Variants in UNC5D observed in about 807,000 individuals in gnomAD.
UNC5D encodes the protein unc-5 netrin receptor D, also known as netrin receptor UNC5D.
Under a neutral mutation model 105.4 loss-of-function variants are expected in UNC5D, and 39 were observed. That is an observed-to-expected ratio of 0.37 (90% CI 0.29 to 0.48). The LOEUF (loss-of-function observed/expected upper bound fraction) is 0.48, where lower values mean the gene tolerates loss of function less well. Ranked by LOEUF, UNC5D falls within the 20% of genes least tolerant of loss-of-function variation. UNC5D has a pLI of 0.98. For missense variants in UNC5D, 991 were observed against 1,202.4 expected (o/e 0.82, Z 2.60); for synonymous variants, 452 against 450.4 (o/e 1.00, Z -0.04).
At chr8:35,467,080 T>C (rs892065839) in intron 1 of UNC5D, among the ~76,000 whole-genome samples, 2 of 152,132 alleles carry the variant, frequency 1.3e-5, no homozygotes, top group Non-Finnish European at 2.9e-5. Flanking sequence ...ATAAAATTAG[T>C]GGGTGAAAAC....
chr8:35,401,771 C>G (rs1316708161), intron 1 of UNC5D, among the ~76,000 whole-genome samples: 2 of 152,152 alleles, frequency 1.3e-5, no homozygotes, highest in Non-Finnish European at 2.9e-5. Context: ...AAAAACATCT[C>G]TAATGTGTAC....
intron 1 of UNC5D, among the ~76,000 whole-genome samples, chr8:35,453,430 T>C (rs1258917312): frequency 6.6e-6 from 1 of 152,178 alleles, no homozygotes; most frequent in African/African-American, 2.4e-5. Flanking sequence ...AGTCTGAAAG[T>C]TCAAATTTCT....
intron 1 of UNC5D, among the ~76,000 whole-genome samples, chr8:35,442,592 C>T (rs568957104): frequency 6.6e-6 from 1 of 151,978 alleles, no homozygotes; most frequent in African/African-American, 2.4e-5. Context: ...CTTTGTATAA[C>T]TTGTTGATAG....
chr8:35,257,597 G>T (rs1421504680), intron 1 of UNC5D, among the ~76,000 whole-genome samples: 1 of 152,200 alleles, frequency 6.6e-6, no homozygotes, highest in Non-Finnish European at 1.5e-5. Context: ...GATTATGCAT[G>T]CATTGATATA....
chr8:35,402,193 G>T (rs1804511344), intron 1 of UNC5D, among the ~76,000 whole-genome samples: 1 of 152,092 alleles, frequency 6.6e-6, no homozygotes, highest in Non-Finnish European at 1.5e-5. Context: ...CTCTCCACCT[G>T]TATTAATCCA....
intron 1 of UNC5D, among the ~76,000 whole-genome samples, chr8:35,507,949 C>G (rs1265681984): frequency 6.6e-6 from 1 of 151,958 alleles, no homozygotes; most frequent in African/African-American, 2.4e-5. Context: ...AAAAAGCATA[C>G]CAAGAAACCT....
intron 4 of UNC5D, among the ~76,000 whole-genome samples, chr8:35,658,722 G>C (rs1461693298): frequency 6.8e-6 from 1 of 146,530 alleles, no homozygotes; most frequent in Admixed American, 7.0e-5. Context: ...CGCGACCTCG[G>C]CTCACTGCAA....
chr8:35,671,312 C>T (rs554917389), intron 4 of UNC5D, among the ~76,000 whole-genome samples: 3 of 152,316 alleles, frequency 2.0e-5, no homozygotes, highest in Admixed American at 2.0e-4. Context: ...GATACCAAAT[C>T]TGTTGACTCC....
At chr8:35,617,294 G>T (rs2131010529) in intron 4 of UNC5D, among the ~76,000 whole-genome samples, 1 of 152,256 alleles carries the variant, frequency 6.6e-6, no homozygotes, top group Admixed American at 6.5e-5. Flanking sequence ...TGACTAGAAG[G>T]TGCACTTGCC....
At chr8:35,760,787 T>TA (rs1359906328) in intron 14 of UNC5D, among the ~76,000 whole-genome samples, 1 of 150,736 alleles carries the variant, frequency 6.6e-6, no homozygotes, top group Non-Finnish European at 1.5e-5. Flanking sequence ...TTTTTTTTTT[T>TA]AACTATAGAC....
At chr8:35,331,223 G>A (rs773877369) in intron 1 of UNC5D, among the ~76,000 whole-genome samples, 1 of 152,028 alleles carries the variant, frequency 6.6e-6, no homozygotes, top group Non-Finnish European at 1.5e-5. Flanking sequence ...GAGTTATATT[G>A]GGGGGCCATT....
chr8:35,584,639 G>A (rs140640749), intron 3 of UNC5D, among the ~76,000 whole-genome samples: 1 of 151,900 alleles, frequency 6.6e-6, no homozygotes, highest in African/African-American at 2.4e-5. Flanking sequence ...TTTGAGAGAT[G>A]AGGGTCTCAC....
At chr8:35,359,237 G>T (rs16883866) in intron 1 of UNC5D, among the ~76,000 whole-genome samples, 2 of 152,172 alleles carry the variant, frequency 1.3e-5, no homozygotes, top group Non-Finnish European at 2.9e-5. Flanking sequence ...ATTTTGCTGT[G>T]TGTTCTTGTT....
intron 4 of UNC5D, among the ~76,000 whole-genome samples, chr8:35,609,171 C>G (rs1295039220): frequency 1.3e-5 from 2 of 152,054 alleles, no homozygotes; most frequent in South Asian, 4.2e-4. Context: ...TGATGTTAAA[C>G]TTTTTTTCAT....
intron 1 of UNC5D, among the ~76,000 whole-genome samples, chr8:35,239,461 G>A (rs1802670283): frequency 6.6e-6 from 1 of 151,060 alleles, no homozygotes; most frequent in Non-Finnish European, 1.5e-5. Flanking sequence ...TGGTTTATTG[G>A]GAGATACTGC....
At chr8:35,415,331 T>G (rs1029184717) in intron 1 of UNC5D, among the ~76,000 whole-genome samples, 7 of 152,162 alleles carry the variant, frequency 4.6e-5, no homozygotes, top group Non-Finnish European at 2.9e-5. Flanking sequence ...CATTCAAAAT[T>G]AAATTTCCAG....
intron 4 of UNC5D, among the ~76,000 whole-genome samples, chr8:35,607,968 T>C (rs934931): frequency 0.48 from 72,450 of 152,044 alleles, 20,981 homozygotes; most frequent in African/African-American, 0.83. Flanking sequence ...CTCTGTGTCT[T>C]TGAATTTCTT....
At position 35,794,373 on chromosome 8, in the gene UNC5D, T is replaced by A. The variant is rs1417832246; in HGVS notation, c.*3810T>A. On this transcript the variant is annotated 3_prime_UTR_variant, in exon 17 of 17. Transcript: ENST00000404895. The stretch of plus-strand genomic sequence containing the variant: ...TCTGTGGCCCATTGTCATTGTTTCC[T>A]CATGAAACATTGCAGAGTTTGAATC... 1 of 152,202 alleles carries A rather than the reference T, an allele frequency of 6.6e-6. No homozygotes were observed. Among genetic ancestry groups the A allele is most frequent in the Non-Finnish European group, 1.5e-5 (1 of 68,032 alleles). The allele number at this position is 152,202 out of a possible 1,614,324, so 9.4% of individuals were successfully genotyped here.
At chr8:35,434,137 G>T (rs994128472) in intron 1 of UNC5D, among the ~76,000 whole-genome samples, 2 of 151,976 alleles carry the variant, frequency 1.3e-5, no homozygotes, top group African/African-American at 4.8e-5. Flanking sequence ...TGAATTTTAA[G>T]CTTAATTGAA....
Sources: gnomAD v4.1 joint callset for allele counts (sites outside exome capture counted in the v4.1 genomes callset) on GRCh38, gnomAD v4.1.1 for gene constraint, MANE v1.5 for transcripts, NCBI Gene and HGNC (gene_info 2026-07-23, HGNC 2026-07-21) for gene names.